The following SMPD4 variants were observed in gnomAD, a reference collection of about 807,000 sequenced individuals.
SMPD4 encodes the protein sphingomyelin phosphodiesterase 4.
Under a neutral mutation model 97.8 loss-of-function variants are expected in SMPD4, and 58 were observed. The observed-to-expected ratio is 0.59, with a 90% confidence interval of 0.48 to 0.74. SMPD4 has a LOEUF of 0.74. Ranked by LOEUF, SMPD4 falls within the 30% of genes least tolerant of loss-of-function variation. The pLI, the probability that SMPD4 is intolerant of heterozygous loss-of-function variation, is 0.00. For missense variants in SMPD4, 853 were observed against 1,080.5 expected, an observed-to-expected ratio of 0.79 and a Z score of 2.95; for synonymous variants, 388 against 450.0, an observed-to-expected ratio of 0.86 and a Z score of 1.74.
chr2:130,173,189 C>T lies in SMPD4; in HGVS notation c.345+90G>A, dbSNP rs1459579077. ...GGAACGAATCGCTCCTCAATTTGCCCTCAGAGGACTGGAGGAGATTGCCCA... is the reference window on the plus strand; with the variant it reads ...GGAACGAATCGCTCCTCAATTTGCCTTCAGAGGACTGGAGGAGATTGCCCA... On this transcript the variant is annotated intron_variant, in intron 5 of 19. Transcript: ENST00000680298. 169 of 1,300,292 alleles carry T rather than the reference C, an allele frequency of 1.3e-4. 1 individual carries two copies. The South Asian group carries it at 2.1e-3, about 16-fold the overall frequency. 80.5% of individuals were successfully genotyped at this position (1,300,292 alleles called of 1,614,324 possible). A position where few individuals can be genotyped will look rare whatever the true frequency, so the allele number is the denominator to read the frequency against.
intron 11 of SMPD4, chr2:130,158,123 G>GTT: frequency 8.8e-7 from 1 of 1,135,134 alleles, no homozygotes; most frequent in Non-Finnish European, 1.1e-6. Context: ...GTGGGTGAGA[G>GTT]TAAGACCTGG....
rs112437022 is a variant in SMPD4 at position 130,157,209 on chromosome 2, T to A, written c.1097+42A>T. On this transcript the variant is annotated intron_variant, in intron 12 of 19. Transcript: ENST00000680298. ...TGGGCGACACCTTAGGAGGGGAAAG[T>A]GGGGGAGACGGCAGTGGTGGGAAGC... The A allele has an allele frequency of 8.0e-4, 1,234 of 1,549,770 alleles. 6 individuals carry two copies. The highest frequency in any genetic ancestry group is 2.3e-3 in the South Asian group (196 of 84,202).
At chr2:130,152,945 A>C in intron 19 of SMPD4, 61 bp from the exon 20 acceptor site, 1 of 1,557,808 alleles carries the variant, frequency 6.4e-7, no homozygotes, top group Non-Finnish European at 8.7e-7. Context: ...TCAGGACAGC[A>C]GTACCCCACC....
chr2:130,156,819 G>C (rs1228779080), intron 12 of SMPD4, 144 bp from the exon 13 acceptor site: 2 of 1,545,420 alleles, frequency 1.3e-6, no homozygotes, highest in African/African-American at 1.4e-5. Flanking sequence ...CCATTCTTCA[G>C]AGGAAGAAAT....
At position 130,156,062 on chromosome 2, in the gene SMPD4, G is replaced by A; in HGVS notation, c.1262C>T (p.Ser421Phe). ...TTTCTCCGACACACACCGGGGCTGG[G>A]AGTCGCTGCCCGGAGCCTGCTTGTC... is the stretch of plus-strand genomic sequence containing the variant. ...APDKQAPGSD[S>F]QPRCVSEKWA... Residue 421 changes from serine (S) to phenylalanine (F), a missense_variant, in exon 14 of 20, where the codon TCC becomes TTC. Around this residue, in one of 3 missense-constraint regions of SMPD4, gnomAD observed 511 missense variants for 608.1 expected, o/e 0.84. Transcript: ENST00000680298. 1 of 1,611,566 alleles carries A rather than the reference G, an allele frequency of 6.2e-7. No individual in the cohort carries two copies. Among genetic ancestry groups the A allele is most frequent in the Non-Finnish European group, 8.5e-7 (1 of 1,179,914 alleles).
intron 1 of SMPD4, chr2:130,181,216 G>C: frequency 8.3e-7 from 1 of 1,200,816 alleles, no homozygotes; most frequent in Non-Finnish European, 1.0e-6. Context: ...ACCGCCTGTT[G>C]AGCCCAAGGC....
intron 10 of SMPD4, among the ~76,000 whole-genome samples, chr2:130,162,711 C>A (rs538639804): frequency 2.0e-4 from 31 of 152,316 alleles, no homozygotes; most frequent in African/African-American, 6.7e-4. Flanking sequence ...CATGGCAGTA[C>A]GTGTAGCACA....
In SMPD4 at chr2:130,152,551, A is replaced by T; in HGVS notation, c.*4T>A. On this transcript the variant is annotated 3_prime_UTR_variant, in exon 20 of 20. Coordinates refer to ENST00000680298, the MANE Select transcript of SMPD4 (RefSeq NM_017951.5). ...CCAGCCTGCTCTGAAGGCAGCTGAC[A>T]CCTTCAGGGCTGGTGCAGCTTCCCC... 1.3e-6 allele frequency: 2 copies of T among 1,541,880 alleles called. No homozygotes were observed. Among genetic ancestry groups the T allele is most frequent in the Non-Finnish European group, 1.8e-6 (2 of 1,140,868 alleles).
rs571525560 is a variant in SMPD4 at position 130,152,145 on chromosome 2, C to A, written c.*410G>T. On this transcript the variant is annotated 3_prime_UTR_variant, in exon 20 of 20. Coordinates refer to ENST00000680298, the MANE Select transcript of SMPD4 (RefSeq NM_017951.5). ...CACAGAGAGAGGAAGCGCCACAACCCACTCTGCCAACCTCAAGGCCAGCCA... is the reference window on the plus strand; with the variant it reads ...CACAGAGAGAGGAAGCGCCACAACCAACTCTGCCAACCTCAAGGCCAGCCA... 3.2e-5 allele frequency: 6 copies of A among 188,746 alleles called. No individual in the cohort carries two copies. The South Asian group carries it at 8.0e-4, about 25-fold the overall frequency. The allele number at this position is 188,746 out of a possible 1,614,324, so 11.7% of individuals were successfully genotyped here. A position where few individuals can be genotyped will look rare whatever the true frequency, so the allele number is the denominator to read the frequency against.
chr2:130,174,264 T>A (rs2104908166), intron 3 of SMPD4, among the ~76,000 whole-genome samples: 1 of 152,254 alleles, frequency 6.6e-6, no homozygotes, highest in South Asian at 2.1e-4. Flanking sequence ...TAAGTGATCC[T>A]CCCACCTCGG....
intron 6 of SMPD4, 44 bp from the exon 7 acceptor site, chr2:130,172,721 C>G (rs1335323445): frequency 1.2e-6 from 2 of 1,613,824 alleles, no homozygotes; most frequent in Non-Finnish European, 1.7e-6. Context: ...TGATGAGCCA[C>G]CCCCCGCTCA....
chr2:130,177,972 CCT>C (rs1162883590), intron 1 of SMPD4, among the ~76,000 whole-genome samples: 1 of 152,170 alleles, frequency 6.6e-6, no homozygotes, highest in African/African-American at 2.4e-5. Flanking sequence ...CAATTAGAGT[CCT>C]AAGTTAGTGG....
At position 130,153,851 on chromosome 2, in the gene SMPD4, G is replaced by A; in HGVS notation, c.1744C>T (p.His582Tyr). Residue 582 changes from histidine (H) to tyrosine (Y), a missense_variant, in exon 17 of 20, where the codon CAC becomes TAC. By Grantham distance (83) the His-to-Tyr change is moderately conservative. Transcript: ENST00000680298. ...AAGCCCAGCCATGAGAGGAAGGAGT[G>A]GCCAGCCGGGCTCTCCGCACACTGG... ...SDQCAESPAG[H>Y]SFLSWLGFSS... 1 of 1,613,924 alleles carries A rather than the reference G, an allele frequency of 6.2e-7. No homozygotes were observed. Among genetic ancestry groups the A allele is most frequent in the Non-Finnish European group, 8.5e-7 (1 of 1,179,872 alleles).
chr2:130,165,918 TG>T (rs1259099874), intron 9 of SMPD4, among the ~76,000 whole-genome samples: 1 of 152,188 alleles, frequency 6.6e-6, no homozygotes, highest in Non-Finnish European at 1.5e-5. Flanking sequence ...GGAGATTGCA[TG>T]CACAACAACA....
intron 13 of SMPD4, 164 bp downstream of exon 13, chr2:130,156,421 G>A (rs1286492028): frequency 5.1e-6 from 4 of 779,720 alleles, no homozygotes; most frequent in South Asian, 3.6e-5. Flanking sequence ...CTGAGGGCTG[G>A]CTTTGGAAAC....
chr2:130,178,918 C>T (rs1276982414), intron 1 of SMPD4, among the ~76,000 whole-genome samples: 9 of 152,140 alleles, frequency 5.9e-5, no homozygotes, highest in Non-Finnish European at 1.3e-4. Context: ...GACAGGAAGT[C>T]TGCCAAGTCC....
Position 130,152,953 on chromosome 2 carries a change from A to G in SMPD4, c.2155-69T>C, listed in dbSNP as rs559232746. ...ACAGGCCTCAGGACAGCAGTACCCC[A>G]CCCTCACAGGCCACCCCAGGACTGC... On this transcript the variant is annotated intron_variant, in intron 19 of 19. Coordinates refer to ENST00000680298, the MANE Select transcript of SMPD4 (RefSeq NM_017951.5). 5.8e-6 allele frequency: 9 copies of G among 1,555,868 alleles called. No homozygotes were observed. The East Asian group carries it at 2.0e-4, about 35-fold the overall frequency.
intron 1 of SMPD4, among the ~76,000 whole-genome samples, chr2:130,180,611 A>G (rs1184536011): frequency 2.0e-5 from 3 of 152,172 alleles, no homozygotes; most frequent in South Asian, 4.2e-4. Flanking sequence ...GTTAAAGAAA[A>G]ACGCCTCAGT....
intron 1 of SMPD4, 46 bp downstream of exon 1, chr2:130,181,484 C>G (rs1689629339): frequency 4.5e-6 from 7 of 1,564,704 alleles, no homozygotes; most frequent in Non-Finnish European, 6.1e-6. Flanking sequence ...TCGGGGAAGC[C>G]CCCAGGGCGC....
Sources: allele counts gnomAD v4.1 joint callset (sites outside exome capture counted in the v4.1 genomes callset), GRCh38; gene constraint gnomAD v4.1.1; regional missense constraint gnomAD v4.1.1; transcripts MANE v1.5; gene names NCBI Gene and HGNC (gene_info 2026-07-23, HGNC 2026-07-21).